MTAP: variants seen among roughly 807,000 people sequenced by gnomAD.
MTAP encodes S-methyl-5'-thioadenosine phosphorylase.
A neutral mutation model predicts 33.6 loss-of-function variants in MTAP; 33 were observed. The ratio of observed to expected loss-of-function variants is 0.98; its 90% CI spans 0.74 to 1.31. The LOEUF (loss-of-function observed/expected upper bound fraction) is 1.31, where lower values mean the gene tolerates loss of function less well. Ranked by LOEUF, MTAP falls within the 40% of genes most tolerant of loss-of-function variation. The pLI is 0.00. For synonymous variants in MTAP, 148 were observed against 125.7 expected, an observed-to-expected ratio of 1.18 and a Z score of -1.19; for missense variants, 367 against 360.0, an observed-to-expected ratio of 1.02 and a Z score of -0.16.
downstream of MTAP, among the ~76,000 whole-genome samples, chr9:21,871,074 A>G (rs1825929932): frequency 6.6e-6 from 1 of 152,136 alleles, no homozygotes; most frequent in Admixed American, 6.6e-5. Context: ...CCTGGCTGTG[A>G]GGCTAAATTT....
chr9:21,803,004 ACACACACACACACAC>A, intron 1 of MTAP: 3 of 1,024,336 alleles, frequency 2.9e-6, no homozygotes, highest in Non-Finnish European at 1.3e-6. Flanking sequence ...ACACACACAC[ACACACACACACACAC>A]ACACACACAC....
intron 1 of MTAP, among the ~76,000 whole-genome samples, chr9:21,889,772 C>G (rs1818169760): frequency 6.6e-6 from 1 of 152,126 alleles, no homozygotes; most frequent in African/African-American, 2.4e-5. Context: ...GCCATGGATA[C>G]CAGCACCTGC....
downstream of MTAP, chr9:21,940,932 G>A (rs1388874664): frequency 2.2e-6 from 2 of 896,466 alleles, no homozygotes; most frequent in Non-Finnish European, 2.7e-6. Context: ...AAGTGGAAAG[G>A]GGTGCTAAAA....
rs768560964 is a variant in MTAP at position 21,818,114 on chromosome 9, A to G, written c.259A>G (p.Thr87Ala). 6.2e-6 allele frequency: 10 copies of G among 1,614,090 alleles called. No individual in the cohort carries two copies. The change falls in exon 4 of 8, where the codon ACA (threonine) becomes GCA (alanine). Residue 87 changes from threonine to alanine, a missense_variant. Thr to Ala is a moderately conservative substitution (Grantham distance 58). Transcript: ENST00000644715. ...CTGGGCTTTGAAGGAAGAGGGCTGT[A>G]CACATGTCATAGTGACCACAGCTTG... is the stretch of plus-strand genomic sequence containing the variant. Reference protein sequence around the residue: ...NIWALKEEGCTHVIVTTACGS... With the variant: ...NIWALKEEGCAHVIVTTACGS...
intron 5 of MTAP, among the ~76,000 whole-genome samples, chr9:21,839,677 G>C (rs1825195217): frequency 6.6e-6 from 1 of 152,168 alleles, no homozygotes; most frequent in Non-Finnish European, 1.5e-5. Flanking sequence ...AAAACATGAA[G>C]AGTAAATAGT....
intron 5 of MTAP, among the ~76,000 whole-genome samples, chr9:21,840,159 G>T (rs2118349348): frequency 6.6e-6 from 1 of 152,020 alleles, no homozygotes; most frequent in Admixed American, 6.5e-5. Flanking sequence ...CTGGGAGGCA[G>T]AGCTTGCAGT....
chr9:21,859,519 A>T, intron 7 of MTAP, 94 bp downstream of exon 7: 1 of 1,403,894 alleles, frequency 7.1e-7, no homozygotes, highest in Non-Finnish European at 9.5e-7. Context: ...CATGTATTTT[A>T]TGCCAGCCTA....
At position 21,807,142 on chromosome 9, in the gene MTAP, C is replaced by T. The variant is rs528619569; in HGVS notation, c.33+4361C>T. Among the ~76,000 whole-genome samples, 12 of 152,188 alleles carry T rather than the reference C, an allele frequency of 7.9e-5. No homozygotes were observed. In the South Asian group the frequency reaches 1.7e-3, roughly 21 times the overall value. ...CTGCGCCATTGCACTCCAGCCTGGGCGACAGAGTAAGATCCTGTCTCAAAA... is the reference window on the plus strand; with the variant it reads ...CTGCGCCATTGCACTCCAGCCTGGGTGACAGAGTAAGATCCTGTCTCAAAA... On this transcript the variant is annotated intron_variant, in intron 1 of 7. Transcript: ENST00000644715.
At chr9:21,930,349 C>G in intron 1 of MTAP, 1 of 207,442 alleles carries the variant, frequency 4.8e-6, no homozygotes, top group Admixed American at 5.4e-5. Context: ...AAGGAGCCTT[C>G]TGTGTTTGTG....
At chr9:21,816,798 G>A (rs1173707518) in intron 3 of MTAP, 26 bp downstream of exon 3, 2 of 1,575,308 alleles carry the variant, frequency 1.3e-6, no homozygotes, top group Non-Finnish European at 1.7e-6. Flanking sequence ...CTTTTTGGAT[G>A]TTACTACTAA....
intron 1 of MTAP, among the ~76,000 whole-genome samples, chr9:21,881,463 G>A (rs1395542277): frequency 9.2e-5 from 14 of 152,024 alleles, no homozygotes; most frequent in African/African-American, 3.4e-4. Flanking sequence ...AATCAACATT[G>A]TAAAAGAGCA....
downstream of MTAP, chr9:21,931,242 T>A (rs1587306218): frequency 4.6e-6 from 3 of 645,370 alleles, no homozygotes; most frequent in East Asian, 8.2e-5. Context: ...CACACCTCTG[T>A]CAGCAGGAAG....
At chr9:21,827,461 T>G (rs946891152) in intron 4 of MTAP, among the ~76,000 whole-genome samples, 1 of 152,250 alleles carries the variant, frequency 6.6e-6, no homozygotes, top group Non-Finnish European at 1.5e-5. Context: ...TGAAACTGTT[T>G]TGAAATTGCC....
chr9:21,894,969 A>C (rs1818265342), intron 1 of MTAP, among the ~76,000 whole-genome samples: 1 of 152,174 alleles, frequency 6.6e-6, no homozygotes. Context: ...ACAGCTAACC[A>C]AGGAGGTGAA....
chr9:21,828,472 G>A (rs1397851382), intron 4 of MTAP, among the ~76,000 whole-genome samples: 3 of 152,048 alleles, frequency 2.0e-5, no homozygotes, highest in Non-Finnish European at 2.9e-5. Flanking sequence ...TCAGGAGTTC[G>A]AGACCAGCCT....
At chr9:21,849,098 C>T (rs1436886521) in intron 5 of MTAP, among the ~76,000 whole-genome samples, 1 of 139,316 alleles carries the variant, frequency 7.2e-6, no homozygotes, top group Non-Finnish European at 1.5e-5. Flanking sequence ...TAAAAACAGA[C>T]TCACAGCCCC....
At chr9:21,918,085 C>T (rs1818720816) in intron 1 of MTAP, among the ~76,000 whole-genome samples, 1 of 111,992 alleles carries the variant, frequency 8.9e-6, no homozygotes, top group African/African-American at 5.4e-5. Context: ...GGCGCGGTGG[C>T]TCCGCCTGTA....
At chr9:21,817,781 T>C (rs1824521783) in intron 3 of MTAP, among the ~76,000 whole-genome samples, 1 of 152,096 alleles carries the variant, frequency 6.6e-6, no homozygotes, top group Non-Finnish European at 1.5e-5. Flanking sequence ...TCACTGATCC[T>C]TTATACAGAG....
intron 4 of MTAP, among the ~76,000 whole-genome samples, chr9:21,824,315 C>T (rs368891972): frequency 6.6e-6 from 1 of 152,172 alleles, no homozygotes; most frequent in East Asian, 1.9e-4. Context: ...AGTTTTCCTT[C>T]TAACAGTCAG....
Sources: allele counts gnomAD v4.1 joint callset (sites outside exome capture counted in the v4.1 genomes callset), GRCh38; gene constraint gnomAD v4.1.1; transcripts MANE v1.5; gene names NCBI Gene and HGNC (gene_info 2026-07-23, HGNC 2026-07-21).